The following FAM107A variants were observed in gnomAD, a reference collection of about 807,000 sequenced individuals.
FAM107A encodes the protein family with sequence similarity 107 member A.
Under a neutral mutation model 13.7 loss-of-function variants are expected in FAM107A, and 19 were observed. The observed-to-expected ratio is 1.38, with a 90% CI of 0.97 to 2.03. FAM107A has a LOEUF of 2.03. Among genes scored for constraint, FAM107A ranks in the 30% most tolerant of loss-of-function variants. FAM107A has a pLI of 0.00. For missense variants in FAM107A, 203 were observed against 184.4 expected, an observed-to-expected ratio of 1.10 and a Z score of -0.58; for synonymous variants, 82 against 74.5, an observed-to-expected ratio of 1.10 and a Z score of -0.52.
chr3:58,603,746 TG>T lies in FAM107A; in HGVS notation c.-69-14478del, dbSNP rs1221767382. On this transcript the variant is annotated intron_variant, in intron 1 of 3. Coordinates refer to the FAM107A transcript ENST00000465970. ...TAAGTGAGGTACTTCCCAGCATCCA[TG>T]GGTGATTGTCTGAGAAGGGTGCAGC... is the stretch of plus-strand genomic sequence containing the variant. 3.3e-5 allele frequency among the ~76,000 whole-genome samples: 5 copies of T among 152,142 alleles called. No individual in the cohort carries two copies. In the South Asian group the frequency reaches 8.3e-4, roughly 25 times the overall value.
intron 1 of FAM107A, among the ~76,000 whole-genome samples, chr3:58,595,557 C>G (rs2065700015): frequency 7.0e-6 from 1 of 142,986 alleles, no homozygotes; most frequent in African/African-American, 2.5e-5. Flanking sequence ...TTAAGATCCA[C>G]CCCCTGCCTG....
At chr3:58,575,544 C>T (rs565604066) in intron 1 of FAM107A, among the ~76,000 whole-genome samples, 1 of 152,228 alleles carries the variant, frequency 6.6e-6, no homozygotes, top group South Asian at 2.1e-4. Flanking sequence ...AGAGAGTAAG[C>T]AGCAAAGCCA....
At chr3:58,571,824 T>G (rs1048958835) in intron 1 of FAM107A, among the ~76,000 whole-genome samples, 24 of 152,228 alleles carry the variant, frequency 1.6e-4, no homozygotes, top group Non-Finnish European at 3.1e-4. Context: ...AATAACTACT[T>G]TGGCTCCCCA....
intron 1 of FAM107A, among the ~76,000 whole-genome samples, chr3:58,570,616 AG>A (rs2063673081): frequency 1.4e-5 from 2 of 146,864 alleles, no homozygotes; most frequent in Non-Finnish European, 3.0e-5. Context: ...AGAGAGAGAG[AG>A]AGAGAGAGAG....
chr3:58,624,081 T>G (rs1211546754), intron 1 of FAM107A, among the ~76,000 whole-genome samples: 2 of 152,174 alleles, frequency 1.3e-5, no homozygotes, highest in African/African-American at 4.8e-5. Context: ...TGGAAGGTGC[T>G]TTTCTTGAAC....
chr3:58,580,104 T>C (rs1227894270), upstream of FAM107A, among the ~76,000 whole-genome samples: 1 of 152,048 alleles, frequency 6.6e-6, no homozygotes, highest in Non-Finnish European at 1.5e-5. Flanking sequence ...CCACACTCCA[T>C]CAGCAAGAGA....
intron 1 of FAM107A, among the ~76,000 whole-genome samples, chr3:58,574,672 T>G (rs2063715745): frequency 1.3e-5 from 2 of 152,208 alleles, no homozygotes; most frequent in Admixed American, 6.5e-5. Flanking sequence ...GACTATAGGA[T>G]GGCAAATAAT....
At chr3:58,622,237 G>A (rs534772684) in intron 1 of FAM107A, among the ~76,000 whole-genome samples, 7 of 152,192 alleles carry the variant, frequency 4.6e-5, no homozygotes, top group African/African-American at 7.2e-5. Context: ...TCAGGAGTTC[G>A]AGACCAGCCT....
rs190005693 is a variant in FAM107A, at chr3:58,599,172, C to T, written c.-69-9903G>A. Among the ~76,000 whole-genome samples the T allele has an allele frequency of 6.4e-3, 977 of 152,134 alleles. 7 individuals carry two copies. The highest frequency in any genetic ancestry group is 0.022 in the African/African-American group (928 of 41,474). Reference sequence around the variant, plus strand: ...GGCCAGGCTGGTCTCAAACTCCTGACCTCAAATCATCCGCCTGCCTCAGCC... The same window carrying T: ...GGCCAGGCTGGTCTCAAACTCCTGATCTCAAATCATCCGCCTGCCTCAGCC... On this transcript the variant is annotated intron_variant, in intron 1 of 3. Transcript: ENST00000465970.
intron 1 of FAM107A, among the ~76,000 whole-genome samples, chr3:58,625,898 G>A (rs549191638): frequency 1.3e-5 from 2 of 152,336 alleles, no homozygotes; most frequent in African/African-American, 4.8e-5. Context: ...GATGGAACAG[G>A]TCATCACTGG....
chr3:58,620,723 C>T (rs1315730347), intron 1 of FAM107A, among the ~76,000 whole-genome samples: 1 of 152,356 alleles, frequency 6.6e-6, no homozygotes, highest in Middle Eastern at 3.4e-3. Context: ...CCCACTAACC[C>T]GTTCTCTTGT....
At chr3:58,627,328 G>T in intron 1 of FAM107A, 1 of 374,696 alleles carries the variant, frequency 2.7e-6, no homozygotes, top group Non-Finnish European at 4.9e-6. Flanking sequence ...GAGGGAAGAC[G>T]TGGGGCAGTC....
chr3:58,582,432 C>T (rs2065558642), upstream of FAM107A, among the ~76,000 whole-genome samples: 1 of 150,592 alleles, frequency 6.6e-6, no homozygotes, highest in Admixed American at 6.7e-5. Flanking sequence ...TGCTTTCCTC[C>T]CTTCCAGGAA....
chr3:58,579,512 A>G (rs1403299339), upstream of FAM107A, among the ~76,000 whole-genome samples: 1 of 151,742 alleles, frequency 6.6e-6, no homozygotes, highest in Non-Finnish European at 1.5e-5. Flanking sequence ...ACTTCCCCAA[A>G]CTCTCCTGGT....
chr3:58,610,375 A>C (rs2065841918), intron 1 of FAM107A, among the ~76,000 whole-genome samples: 1 of 152,124 alleles, frequency 6.6e-6, no homozygotes, highest in Non-Finnish European at 1.5e-5. Flanking sequence ...GCCTGCAGGG[A>C]TGACGAAGGC....
At chr3:58,602,724 T>C (rs1266022781) in intron 1 of FAM107A, among the ~76,000 whole-genome samples, 1 of 152,268 alleles carries the variant, frequency 6.6e-6, no homozygotes, top group African/African-American at 2.4e-5. Flanking sequence ...ATATATTTTG[T>C]TACACATGTA....
intron 1 of FAM107A, among the ~76,000 whole-genome samples, chr3:58,621,243 C>T (rs1231824891): frequency 2.6e-5 from 4 of 152,230 alleles, no homozygotes; most frequent in African/African-American, 4.8e-5. Flanking sequence ...TACGTGTTTG[C>T]GCCTGACCAG....
Position 58,598,518 on chromosome 3 carries a change from G to A in FAM107A, c.-69-9249C>T, listed in dbSNP as rs533407371. Among the ~76,000 whole-genome samples the A allele has an allele frequency of 1.0e-3, 152 of 152,340 alleles. No homozygotes were observed. The Middle Eastern group carries it at 0.01, about 10-fold the overall frequency. On this transcript the variant is annotated intron_variant, in intron 1 of 3. Coordinates refer to the FAM107A transcript ENST00000465970. ...GCCACCCACCCCCCAGCAGGCAGCA[G>A]CAGCAATCTTTTTTTCCATACCTGG...
rs71625690 is a variant in FAM107A, at chr3:58,565,435, A to ATTTTTTTTTTTTTTTTTTT, written c.*1134_*1152dup. The ATTTTTTTTTTTTTTTTTTT allele has an allele frequency of 1.2e-5, 1 of 82,322 alleles. No individual in the cohort carries two copies. The highest frequency in any genetic ancestry group is 2.2e-5 in the Non-Finnish European group (1 of 45,298). The allele number at this position is 82,322 out of a possible 1,614,324, so 5.1% of individuals were successfully genotyped here. A position where few individuals can be genotyped will look rare whatever the true frequency, so the allele number is the denominator to read the frequency against. On this transcript the variant is annotated 3_prime_UTR_variant, in exon 4 of 4. Coordinates refer to ENST00000360997, the MANE Select transcript of FAM107A (RefSeq NM_001076778.3). ...GACTAGGAAAAAGTAAAAAAAAAAA[A>ATTTTTTTTTTTTTTTTTTT]TTTTTTTTTTTTTTTTTTTTTTTTT...
Sources: gnomAD v4.1 joint callset for allele counts (sites outside exome capture counted in the v4.1 genomes callset) on GRCh38, gnomAD v4.1.1 for gene constraint, MANE v1.5 for transcripts, NCBI Gene and HGNC (gene_info 2026-07-23, HGNC 2026-07-21) for gene names.